The following BCAR3 variants were observed in gnomAD, a reference collection of about 807,000 sequenced individuals.
BCAR3 encodes breast cancer anti-estrogen resistance protein 3.
Under a neutral mutation model 80.1 loss-of-function variants are expected in BCAR3, and 37 were observed. The ratio of observed to expected loss-of-function variants is 0.46; its 90% CI spans 0.36 to 0.61. BCAR3 has a LOEUF of 0.61. Among genes scored for constraint, BCAR3 ranks in the 20% least tolerant of loss-of-function variants. The pLI, the probability that BCAR3 is intolerant of heterozygous loss-of-function variation, is 0.00. For missense variants in BCAR3, 978 were observed against 1,068.2 expected (o/e 0.92, Z 1.18); for synonymous variants, 389 against 418.9 (o/e 0.93, Z 0.87).
chr1:93,747,827 A>G (rs1211356276), intron 2 of BCAR3, among the ~76,000 whole-genome samples: 1 of 151,694 alleles, frequency 6.6e-6, no homozygotes. Flanking sequence ...TGCTCCAGCC[A>G]TACCCAACTG....
intron 10 of BCAR3, 81 bp downstream of exon 10, chr1:93,567,659 A>G: frequency 6.9e-7 from 1 of 1,446,882 alleles, no homozygotes; most frequent in Middle Eastern, 2.0e-4. Context: ...CAGATAACTC[A>G]GGGCCTCATA....
intron 2 of BCAR3, among the ~76,000 whole-genome samples, chr1:93,671,244 C>T (rs192510085): frequency 5.3e-5 from 8 of 152,270 alleles, no homozygotes; most frequent in Non-Finnish European, 1.0e-4. Flanking sequence ...CTGTCCACCT[C>T]GGCTGCCCAA....
intron 2 of BCAR3, among the ~76,000 whole-genome samples, chr1:93,770,300 G>A (rs1190050885): frequency 6.6e-6 from 1 of 152,166 alleles, no homozygotes; most frequent in East Asian, 1.9e-4. Context: ...CATCAGTAAT[G>A]GCAGAGGCAA....
intron 2 of BCAR3, among the ~76,000 whole-genome samples, chr1:93,709,870 T>C (rs1189495917): frequency 6.6e-6 from 1 of 152,218 alleles, no homozygotes; most frequent in Admixed American, 6.5e-5. Flanking sequence ...TGGATCATCA[T>C]GTAATTTTTT....
chr1:93,588,324 CCTA>C (rs1674027436), intron 5 of BCAR3, among the ~76,000 whole-genome samples: 1 of 152,142 alleles, frequency 6.6e-6, no homozygotes, highest in Admixed American at 6.5e-5. Flanking sequence ...AGGCCAGGCT[CCTA>C]CATCTCTTGA....
chr1:93,669,175 G>A (rs1006095510), intron 2 of BCAR3, among the ~76,000 whole-genome samples: 1 of 152,192 alleles, frequency 6.6e-6, no homozygotes, highest in African/African-American at 2.4e-5. Flanking sequence ...TGAGCTAAAG[G>A]CTGGTGTATT....
chr1:93,672,611 T>C (rs532480454), intron 2 of BCAR3, among the ~76,000 whole-genome samples: 20 of 152,332 alleles, frequency 1.3e-4, no homozygotes, highest in Admixed American at 2.0e-4. Context: ...GTGCCAATTA[T>C]GCGATGTTAA....
intron 7 of BCAR3, among the ~76,000 whole-genome samples, chr1:93,577,943 A>G (rs577516552): frequency 1.3e-5 from 2 of 152,344 alleles, no homozygotes; most frequent in Admixed American, 1.3e-4. Context: ...CTGAGGGCTG[A>G]GGGGATCCCA....
At chr1:93,628,441 C>T (rs1441457417) in intron 3 of BCAR3, among the ~76,000 whole-genome samples, 2 of 152,172 alleles carry the variant, frequency 1.3e-5, no homozygotes, top group South Asian at 2.1e-4. Flanking sequence ...GAAGTCTTTA[C>T]TCTGACACAC....
rs1185477230 is a variant in BCAR3, at chr1:93,589,437, G to C, written c.487-18C>G. On this transcript the variant is annotated intron_variant, in intron 4 of 11. Transcript: ENST00000260502. ...TCAGACACCTTTGGGACAAAAAGGT[G>C]AGTGAGGAGTAGGAAAGGCAAATTC... 4 of 1,595,452 alleles carry C rather than the reference G, an allele frequency of 2.5e-6. No individual in the cohort carries two copies. In the South Asian group the frequency reaches 4.5e-5, roughly 18 times the overall value.
intron 2 of BCAR3, among the ~76,000 whole-genome samples, chr1:93,777,955 T>G (rs908572261): frequency 3.3e-5 from 5 of 152,212 alleles, no homozygotes; most frequent in Non-Finnish European, 4.4e-5. Flanking sequence ...CCAACAGAAT[T>G]CATGTGGATT....
chr1:93,617,748 T>C (rs532523017), intron 3 of BCAR3, among the ~76,000 whole-genome samples: 1 of 152,328 alleles, frequency 6.6e-6, no homozygotes, highest in South Asian at 2.1e-4. Context: ...CAGCTCCATC[T>C]TTCCTGGTGC....
intron 3 of BCAR3, among the ~76,000 whole-genome samples, chr1:93,641,906 C>T (rs1675991784): frequency 6.6e-6 from 1 of 152,176 alleles, no homozygotes; most frequent in African/African-American, 2.4e-5. Flanking sequence ...ACCTGAACTA[C>T]ACAAAATCAT....
At chr1:93,602,186 C>G (rs1674643543) in intron 3 of BCAR3, 1 of 152,024 alleles carries the variant, frequency 6.6e-6, no homozygotes, top group Non-Finnish European at 1.5e-5. Context: ...ATTCATAGCT[C>G]AAGTGATCCT....
chr1:93,562,293 G>T lies in BCAR3; in HGVS notation c.2426C>A (p.Thr809Asn). Residue 809 changes from threonine (T) to asparagine (N), a missense_variant, in exon 12 of 12, where the codon ACT becomes AAT. Thr to Asn is a moderately conservative substitution (Grantham distance 65). Transcript: ENST00000260502. ...AGGTTCCAATTTACGCGAGAGGGCA[G>T]TTAAAATCTGGTTGAATTTCTCATA... The part of the protein sequence containing the change: ...ERYEKFNQIL[T>N]ALSRKLEPPP... 2 of 1,614,114 alleles carry T rather than the reference G, an allele frequency of 1.2e-6. No individual in the cohort carries two copies. The highest frequency in any genetic ancestry group is 1.7e-6 in the Non-Finnish European group (2 of 1,179,980).
At chr1:93,638,859 G>A (rs932040708) in intron 3 of BCAR3, among the ~76,000 whole-genome samples, 1 of 151,964 alleles carries the variant, frequency 6.6e-6, no homozygotes, top group Non-Finnish European at 1.5e-5. Flanking sequence ...ACTGTGGGGG[G>A]AAAAAATTGT....
chr1:93,679,273 A>G (rs901240312), intron 1 of BCAR3, among the ~76,000 whole-genome samples: 93 of 152,348 alleles, frequency 6.1e-4, no homozygotes, highest in African/African-American at 2.2e-3. Flanking sequence ...GCTCTTATCT[A>G]TCTTGTCAGA....
intron 3 of BCAR3, among the ~76,000 whole-genome samples, chr1:93,611,926 T>TAC (rs1674962350): frequency 6.6e-6 from 1 of 152,224 alleles, no homozygotes; most frequent in African/African-American, 2.4e-5. Flanking sequence ...AGAAGCAGTA[T>TAC]ACATGGTCAA....
At chr1:93,584,604 C>T (rs1023076670) in intron 5 of BCAR3, among the ~76,000 whole-genome samples, 3 of 152,148 alleles carry the variant, frequency 2.0e-5, no homozygotes, top group Admixed American at 1.3e-4. Context: ...TCTCAGCATC[C>T]CCCAAATAAC....
Sources: allele counts gnomAD v4.1 joint callset (sites outside exome capture counted in the v4.1 genomes callset), GRCh38; gene constraint gnomAD v4.1.1; transcripts MANE v1.5; gene names NCBI Gene and HGNC (gene_info 2026-07-23, HGNC 2026-07-21).